The following SUMO2 variants were observed in gnomAD, a reference collection of about 807,000 sequenced individuals.
The protein encoded by SUMO2 is small ubiquitin like modifier 2.
SUMO2 carries 1 observed loss-of-function variant against 16.0 expected under a neutral mutation model. The observed-to-expected ratio is 0.06, with a 90% CI of 0.02 to 0.30. SUMO2 has a LOEUF of 0.30. Among genes scored for constraint, SUMO2 ranks in the 10% least tolerant of loss-of-function variants. The pLI is 1.00. For synonymous variants in SUMO2, 36 were observed against 40.6 expected (o/e 0.89, Z 0.43); for missense variants, 16 against 117.5 (o/e 0.14, Z 3.99).
At chr17:75,179,003 T>A (rs2074805904) in intron 2 of SUMO2, among the ~76,000 whole-genome samples, 1 of 152,188 alleles carries the variant, frequency 6.6e-6, no homozygotes, top group South Asian at 2.1e-4. Flanking sequence ...TTGTCCAGAC[T>A]GGTCTTCCAG....
chr17:75,166,352 G>A lies in SUMO2; in HGVS notation c.*1987C>T, dbSNP rs2074692776. The A allele has an allele frequency of 6.6e-6, 1 of 152,162 alleles. No homozygotes were observed. Among genetic ancestry groups the A allele is most frequent in the South Asian group, 2.1e-4 (1 of 4,824 alleles). The allele number at this position is 152,162 out of a possible 1,614,324, so 9.4% of individuals were successfully genotyped here. A position where few individuals can be genotyped will look rare whatever the true frequency, so the allele number is the denominator to read the frequency against. On this transcript the variant is annotated 3_prime_UTR_variant, in exon 4 of 4. Coordinates refer to ENST00000420826, the MANE Select transcript of SUMO2 (RefSeq NM_006937.4). ...TAGCCAGGTATGATGGTAGATGCTTGTAATCCCAGCTTTTCCGGAGGCTGA... is the reference window on the plus strand; with the variant it reads ...TAGCCAGGTATGATGGTAGATGCTTATAATCCCAGCTTTTCCGGAGGCTGA...
chr17:75,176,232 G>A (rs1042023777), intron 2 of SUMO2, among the ~76,000 whole-genome samples: 2 of 151,968 alleles, frequency 1.3e-5, no homozygotes, highest in Admixed American at 6.6e-5. Context: ...TAGAGATGGG[G>A]TTTCACCGTG....
chr17:75,182,771 C>T, intron 1 of SUMO2, 43 bp downstream of exon 1: 4 of 1,314,438 alleles, frequency 3.0e-6, no homozygotes, highest in Non-Finnish European at 3.9e-6. Context: ...CGCGCCATGA[C>T]CCCCACCGCG....
At chr17:75,177,937 C>T (rs575879852) in intron 2 of SUMO2, among the ~76,000 whole-genome samples, 15 of 128,790 alleles carry the variant, frequency 1.2e-4, no homozygotes, top group South Asian at 2.6e-4. Context: ...TGCAGTGAGC[C>T]GAGATTATGT....
intron 2 of SUMO2, among the ~76,000 whole-genome samples, chr17:75,175,663 T>G (rs925856236): frequency 6.6e-6 from 1 of 151,998 alleles, no homozygotes; most frequent in African/African-American, 2.4e-5. Context: ...GACAGAGTTT[T>G]GCTATGTCGC....
chr17:75,172,328 T>C (rs77301277), intron 3 of SUMO2, among the ~76,000 whole-genome samples: 29 of 3,012 alleles, frequency 9.6e-3, no homozygotes, highest in East Asian at 0.042. Flanking sequence ...ACCCAGACTT[T>C]TTTTTTTTTT....
chr17:75,181,023 T>C, intron 2 of SUMO2, 34 bp downstream of exon 2: 1 of 1,608,940 alleles, frequency 6.2e-7, no homozygotes, highest in Non-Finnish European at 8.5e-7. Flanking sequence ...AAAAATAGTT[T>C]TATTCAGTGG....
intron 3 of SUMO2, among the ~76,000 whole-genome samples, chr17:75,170,868 A>C (rs1273332955): frequency 6.6e-6 from 1 of 151,768 alleles, no homozygotes; most frequent in African/African-American, 2.4e-5. Flanking sequence ...AAAAAAAAAA[A>C]ACCCAAATTA....
intron 3 of SUMO2, 134 bp from the exon 4 acceptor site, chr17:75,168,535 G>T: frequency 1.4e-6 from 1 of 696,860 alleles, no homozygotes; most frequent in Non-Finnish European, 2.4e-6. Flanking sequence ...ATGTCTCATA[G>T]CTTAATGTAT....
chr17:75,180,681 G>C (rs1020580081), intron 2 of SUMO2, among the ~76,000 whole-genome samples: 1 of 151,960 alleles, frequency 6.6e-6, no homozygotes, highest in Admixed American at 6.6e-5. Context: ...CTGTACTTCA[G>C]CTTGGGCAAC....
At chr17:75,175,796 C>G (rs1158590843) in intron 2 of SUMO2, among the ~76,000 whole-genome samples, 3 of 151,442 alleles carry the variant, frequency 2.0e-5, no homozygotes, top group Non-Finnish European at 2.9e-5. Context: ...TCATGCCCAG[C>G]TAATTTTTGT....
At chr17:75,178,560 A>G (rs556063440) in intron 2 of SUMO2, among the ~76,000 whole-genome samples, 1 of 151,912 alleles carries the variant, frequency 6.6e-6, no homozygotes, top group African/African-American at 2.4e-5. Flanking sequence ...ACCAAACTGA[A>G]GCATGATTCT....
chr17:75,172,032 GGTTTC>G (rs2074743148), intron 3 of SUMO2, among the ~76,000 whole-genome samples: 1 of 149,336 alleles, frequency 6.7e-6, no homozygotes, highest in African/African-American at 2.5e-5. Context: ...TTTTTGACAG[GGTTTC>G]ACTCTTTCAC....
intron 3 of SUMO2, 107 bp from the exon 4 acceptor site, chr17:75,168,508 A>C (rs2074710537): frequency 1.1e-6 from 1 of 917,446 alleles, no homozygotes; most frequent in African/African-American, 1.7e-5. Flanking sequence ...ACTAAGTTCC[A>C]AGTTTCATTA....
At chr17:75,176,593 G>C (rs75176740) in intron 2 of SUMO2, among the ~76,000 whole-genome samples, 2 of 151,174 alleles carry the variant, frequency 1.3e-5, no homozygotes, top group African/African-American at 4.8e-5. Context: ...TCCAGCCTGG[G>C]TGACAGACCA....
chr17:75,175,169 G>A (rs1172733225), intron 2 of SUMO2, among the ~76,000 whole-genome samples: 6 of 152,120 alleles, frequency 3.9e-5, no homozygotes, highest in African/African-American at 1.2e-4. Context: ...TTTTAGTAGA[G>A]ACTGGGTTTC....
At chr17:75,180,860 ATAT>A (rs1261489178) in intron 2 of SUMO2, among the ~76,000 whole-genome samples, 194 bp downstream of exon 2, 5 of 152,176 alleles carry the variant, frequency 3.3e-5, no homozygotes, top group African/African-American at 1.2e-4. Context: ...CTGGAACCAC[ATAT>A]AATACTAACC....
intron 2 of SUMO2, among the ~76,000 whole-genome samples, chr17:75,177,699 GAA>G (rs1233469981): frequency 6.6e-6 from 1 of 150,584 alleles, no homozygotes; most frequent in East Asian, 1.9e-4. Flanking sequence ...AAAAAGAAAA[GAA>G]AAGCCAGGCG....
Position 75,182,898 on chromosome 17 carries a change from A to C in SUMO2, c.-64T>G. 1 of 1,281,652 alleles carries C rather than the reference A, an allele frequency of 7.8e-7. No individual in the cohort carries two copies. 79.4% of individuals were successfully genotyped at this position (1,281,652 alleles called of 1,614,324 possible). A position where few individuals can be genotyped will look rare whatever the true frequency, so the allele number is the denominator to read the frequency against. On this transcript the variant is annotated 5_prime_UTR_variant, in exon 1 of 4. Coordinates refer to ENST00000420826, the MANE Select transcript of SUMO2 (RefSeq NM_006937.4). ...AGAGGTACCAGGTCCGCACCAAACG[A>C]GCACACAAGCAGCACCAGGAGCGGC...
Sources: gnomAD v4.1 joint callset for allele counts (sites outside exome capture counted in the v4.1 genomes callset) on GRCh38, gnomAD v4.1.1 for gene constraint, MANE v1.5 for transcripts, NCBI Gene and HGNC (gene_info 2026-07-23, HGNC 2026-07-21) for gene names.